The following ADD3 variants were observed in gnomAD, a reference collection of about 807,000 sequenced individuals.
ADD3 encodes the protein adducin 3.
In ADD3, 25 loss-of-function variants were observed where a neutral mutation model predicts 80.2. The ratio of observed to expected loss-of-function variants is 0.31; its 90% CI spans 0.23 to 0.44. ADD3 has a LOEUF of 0.44. Ranked by LOEUF, ADD3 falls within the 20% of genes least tolerant of loss-of-function variation. The probability of loss-of-function intolerance (pLI) is 1.00; values close to 1 mark genes in which losing one functional copy is unlikely to be tolerated. For synonymous variants in ADD3, 284 were observed against 289.6 expected (o/e 0.98, Z 0.20); for missense variants, 829 against 847.5 (o/e 0.98, Z 0.27).
At chr10:110,051,173 CTAAA>C (rs1435873410) in intron 1 of ADD3, among the ~76,000 whole-genome samples, 1 of 152,052 alleles carries the variant, frequency 6.6e-6, no homozygotes, top group Non-Finnish European at 1.5e-5. Context: ...GATCAAAAAC[CTAAA>C]TAAAGAGCTA....
chr10:110,116,748 A>G (rs1473080573), intron 4 of ADD3, among the ~76,000 whole-genome samples: 1 of 152,234 alleles, frequency 6.6e-6, no homozygotes, highest in Non-Finnish European at 1.5e-5. Context: ...GGCAAGGAAG[A>G]TAGAGGAGGT....
rs556124907 is a variant in ADD3, at chr10:110,122,484, A to G, written c.1143+192A>G. 2.6e-5 allele frequency among the ~76,000 whole-genome samples: 4 copies of G among 151,944 alleles called. No homozygotes were observed. The South Asian group carries it at 8.3e-4, about 32-fold the overall frequency. ...ACAAATGTCGTGTTTTTTTTTTAAG[A>G]TTACAATATATTGTTATTAACTGTA... On this transcript the variant is annotated intron_variant, in intron 9 of 14. Coordinates refer to ENST00000356080, the MANE Select transcript of ADD3 (RefSeq NM_016824.5).
chr10:110,123,044 T>C (rs1326629636), intron 9 of ADD3, among the ~76,000 whole-genome samples: 4 of 152,228 alleles, frequency 2.6e-5, no homozygotes, highest in African/African-American at 9.6e-5. Flanking sequence ...TGTTGTCACA[T>C]TTGACAGAAT....
chr10:110,084,727 G>A (rs1038290692), intron 1 of ADD3, among the ~76,000 whole-genome samples: 4 of 152,062 alleles, frequency 2.6e-5, no homozygotes, highest in African/African-American at 4.8e-5. Context: ...CTCTCATTAG[G>A]TAATATCAGG....
chr10:110,126,620 A>C (rs1852189962), intron 12 of ADD3, 117 bp downstream of exon 12: 1 of 739,300 alleles, frequency 1.4e-6, no homozygotes, highest in African/African-American at 1.8e-5. Flanking sequence ...TAAAAAGTCA[A>C]CTCACAAGAT....
At chr10:110,072,064 T>G (rs1844785530) in intron 1 of ADD3, among the ~76,000 whole-genome samples, 1 of 152,204 alleles carries the variant, frequency 6.6e-6, no homozygotes, top group Non-Finnish European at 1.5e-5. Context: ...TATAATTTTA[T>G]TTATTTATTT....
At chr10:110,118,489 C>A in intron 5 of ADD3, 98 bp from the exon 6 acceptor site, 1 of 1,011,318 alleles carries the variant, frequency 9.9e-7, no homozygotes, top group Non-Finnish European at 1.5e-6. Flanking sequence ...TGCTATCTGA[C>A]CTTTTACAAA....
chr10:110,007,440 C>G (rs984682211), upstream of ADD3, among the ~76,000 whole-genome samples: 5 of 152,308 alleles, frequency 3.3e-5, no homozygotes, highest in East Asian at 7.7e-4. Flanking sequence ...CGTGGGCGGC[C>G]GAGGCTGACT....
chr10:110,077,251 TTA>T, intron 1 of ADD3: 1 of 152,296 alleles, frequency 6.6e-6, no homozygotes, highest in South Asian at 2.1e-4. Flanking sequence ...GCCTCTGGCT[TTA>T]TCACTCCACT....
chr10:110,022,137 A>AT (rs200003189), intron 1 of ADD3, among the ~76,000 whole-genome samples: 3,007 of 150,064 alleles, frequency 0.02, 56 homozygotes, highest in Middle Eastern at 0.055. Context: ...GGTGAGTCTA[A>AT]TTTTTTTTTT....
chr10:110,004,282 C>T (rs1427224339), upstream of ADD3, among the ~76,000 whole-genome samples: 1 of 149,760 alleles, frequency 6.7e-6, no homozygotes, highest in African/African-American at 2.4e-5. Context: ...CGCCTGTAAT[C>T]CCAGCACTTT....
intron 1 of ADD3, among the ~76,000 whole-genome samples, chr10:110,063,048 A>G (rs1258180512): frequency 2.6e-5 from 4 of 152,194 alleles, no homozygotes; most frequent in African/African-American, 7.2e-5. Context: ...GGTTACATGC[A>G]GGTTTTTGTT....
intron 1 of ADD3, among the ~76,000 whole-genome samples, chr10:110,098,707 G>C (rs1370022433): frequency 1.3e-5 from 2 of 151,628 alleles, no homozygotes; most frequent in Non-Finnish European, 2.9e-5. Context: ...TCAGCTCACT[G>C]CAACCTCCGC....
chr10:110,093,681 A>G (rs993137117), intron 1 of ADD3, among the ~76,000 whole-genome samples: 2 of 152,168 alleles, frequency 1.3e-5, no homozygotes, highest in Non-Finnish European at 2.9e-5. Flanking sequence ...GGAATGTTCC[A>G]TGACATTTTA....
At chr10:110,028,340 G>A (rs575781541) in intron 1 of ADD3, among the ~76,000 whole-genome samples, 77 of 152,088 alleles carry the variant, frequency 5.1e-4, no homozygotes, top group African/African-American at 1.7e-3. Context: ...TTGGGAGGCT[G>A]AGGTGGGTGG....
At chr10:110,106,763 A>G (rs1473581116) in intron 2 of ADD3, among the ~76,000 whole-genome samples, 2 of 152,152 alleles carry the variant, frequency 1.3e-5, no homozygotes, top group Non-Finnish European at 2.9e-5. Context: ...GAGCTGTTCA[A>G]ACTATAATGT....
intron 9 of ADD3, among the ~76,000 whole-genome samples, chr10:110,122,624 T>TA (rs1851655909): frequency 6.6e-6 from 1 of 151,124 alleles, no homozygotes; most frequent in Non-Finnish European, 1.5e-5. Flanking sequence ...ACTCTACTTT[T>TA]ATGAGTTCAA....
intron 1 of ADD3, among the ~76,000 whole-genome samples, chr10:110,100,414 G>A (rs1848680427): frequency 6.7e-6 from 1 of 149,874 alleles, no homozygotes; most frequent in African/African-American, 2.5e-5. Context: ...ATGAGTTTCT[G>A]TTAGCTCTGA....
Position 110,065,488 on chromosome 10 carries a change from G to C in ADD3, c.-29-35137G>C, listed in dbSNP as rs538722511. Among the ~76,000 whole-genome samples, 318 of 108,538 alleles carry C rather than the reference G, an allele frequency of 2.9e-3. 3 individuals carry two copies. Among genetic ancestry groups the C allele is most frequent in the African/African-American group, 9.6e-3 (302 of 31,296 alleles). The allele number at this position is 108,538 out of a possible 152,430, so 71.2% of individuals were successfully genotyped here. ...TCTTAGTGTGTGTCTGTCTCTGTCT[G>C]TCTCTCTCTCTCTCTCTCTCTCTCA... On this transcript the variant is annotated intron_variant, in intron 1 of 14. Coordinates refer to ENST00000356080, the MANE Select transcript of ADD3 (RefSeq NM_016824.5).
Sources: gnomAD v4.1 joint callset for allele counts (sites outside exome capture counted in the v4.1 genomes callset) on GRCh38, gnomAD v4.1.1 for gene constraint, MANE v1.5 for transcripts, NCBI Gene and HGNC (gene_info 2026-07-23, HGNC 2026-07-21) for gene names.